SPAG17: variants seen among roughly 807,000 people sequenced by gnomAD.
The protein encoded by SPAG17 is sperm associated antigen 17, also known as sperm-associated antigen 17.
A neutral mutation model predicts 273.6 loss-of-function variants in SPAG17; 169 were observed. The observed-to-expected ratio is 0.62, with a 90% CI of 0.55 to 0.70. SPAG17 has a LOEUF of 0.70. Ranked by LOEUF, SPAG17 falls within the 30% of genes least tolerant of loss-of-function variation. The pLI is 0.00. For missense variants in SPAG17, 2,557 were observed against 2,627.8 expected (o/e 0.97, Z 0.59); for synonymous variants, 825 against 873.2 (o/e 0.94, Z 0.97).
At chr1:118,150,020 C>T (rs1433944815) in intron 3 of SPAG17, among the ~76,000 whole-genome samples, 2 of 152,026 alleles carry the variant, frequency 1.3e-5, no homozygotes, top group African/African-American at 2.4e-5. Flanking sequence ...ACCATTAATC[C>T]GAAGAGTATC....
chr1:117,969,660 A>G (rs1654326712), intron 46 of SPAG17, among the ~76,000 whole-genome samples: 1 of 152,220 alleles, frequency 6.6e-6, no homozygotes, highest in Non-Finnish European at 1.5e-5. Context: ...ACAAATACCA[A>G]GAGAGCAAAC....
intron 46 of SPAG17, among the ~76,000 whole-genome samples, chr1:117,968,490 T>C (rs1557845585): frequency 6.6e-6 from 1 of 152,196 alleles, no homozygotes; most frequent in African/African-American, 2.4e-5. Context: ...TTCAGGAGAG[T>C]ACTCATGAAT....
chr1:117,998,236 G>A (rs563647401), intron 32 of SPAG17, among the ~76,000 whole-genome samples: 63 of 152,238 alleles, frequency 4.1e-4, no homozygotes, highest in African/African-American at 1.5e-3. Context: ...GTTGTATATG[G>A]TGTAAGGAAG....
intron 18 of SPAG17, among the ~76,000 whole-genome samples, chr1:118,061,131 G>A (rs558525710): frequency 7.2e-4 from 110 of 152,226 alleles, no homozygotes; most frequent in Non-Finnish European, 9.6e-4. Flanking sequence ...AGCCACTATG[G>A]AAAATACCAT....
rs866395821 is a variant in SPAG17, at chr1:117,955,445, T to C, written c.*1-1396A>G. The C allele has an allele frequency of 3.2e-6, 4 of 1,244,314 alleles. No individual in the cohort carries two copies. In the South Asian group the frequency reaches 5.3e-5, roughly 17 times the overall value. 77.1% of individuals were successfully genotyped at this position (1,244,314 alleles called of 1,614,324 possible). ...CTGAACGGGAAATAAATAGAAATTATAATTGATGGTTATCTTATAGGTTTA... is the reference window on the plus strand; with the variant it reads ...CTGAACGGGAAATAAATAGAAATTACAATTGATGGTTATCTTATAGGTTTA... On this transcript the variant is annotated intron_variant, in intron 48 of 48. Transcript: ENST00000336338.
rs1036517382 is a variant in SPAG17 at position 118,044,795 on chromosome 1, C to T, written c.2815-2753G>A. 3.3e-5 allele frequency among the ~76,000 whole-genome samples: 5 copies of T among 152,188 alleles called. No homozygotes were observed. The South Asian group carries it at 8.3e-4, about 25-fold the overall frequency. ...ACCTCCCCCTTCATTCTCTTCCTCC[C>T]GCTCTAGTCATGGAGGATGTGCCTG... On this transcript the variant is annotated intron_variant, in intron 20 of 48. Transcript: ENST00000336338.
chr1:117,954,249 G>T, intron 48 of SPAG17, 200 bp from the exon 49 acceptor site: 1 of 701,836 alleles, frequency 1.4e-6, no homozygotes, highest in East Asian at 2.8e-5. Flanking sequence ...AATTGAGGAA[G>T]TGTGGGAAGA....
At chr1:118,070,605 A>AGTGAGCCACAAAT (rs1163470372) in intron 17 of SPAG17, among the ~76,000 whole-genome samples, 12 of 152,234 alleles carry the variant, frequency 7.9e-5, no homozygotes, top group Non-Finnish European at 1.2e-4. Flanking sequence ...AGAAATATAA[A>AGTGAGCCACAAAT]GTGAGCCACA....
At chr1:118,093,746 C>A (rs1655535878) in intron 7 of SPAG17, among the ~76,000 whole-genome samples, 1 of 152,192 alleles carries the variant, frequency 6.6e-6, no homozygotes, top group African/African-American at 2.4e-5. Flanking sequence ...AACACTGACT[C>A]TGCTTTGTGG....
chr1:118,101,213 A>G (rs1431521061), intron 5 of SPAG17, among the ~76,000 whole-genome samples: 1 of 152,128 alleles, frequency 6.6e-6, no homozygotes, highest in Non-Finnish European at 1.5e-5. Flanking sequence ...CCAGGTGTTC[A>G]AGGCCACTCT....
chr1:118,024,443 T>C (rs1395683438), intron 27 of SPAG17, among the ~76,000 whole-genome samples: 1 of 152,192 alleles, frequency 6.6e-6, no homozygotes, highest in East Asian at 1.9e-4. Context: ...TACCAACTTT[T>C]AATTTTTTAA....
chr1:118,142,875 AT>A (rs1658758967), intron 3 of SPAG17, among the ~76,000 whole-genome samples: 1 of 152,168 alleles, frequency 6.6e-6, no homozygotes, highest in Non-Finnish European at 1.5e-5. Flanking sequence ...CTGGAGATGA[AT>A]TTACCTCTAA....
intron 18 of SPAG17, among the ~76,000 whole-genome samples, chr1:118,056,735 C>A (rs887940275): frequency 6.6e-6 from 1 of 152,028 alleles, no homozygotes; most frequent in Non-Finnish European, 1.5e-5. Flanking sequence ...TTCTTTAATT[C>A]TTCATCCTTT....
intron 1 of SPAG17, among the ~76,000 whole-genome samples, chr1:118,161,595 T>C (rs1318714705): frequency 6.6e-6 from 1 of 152,186 alleles, no homozygotes; most frequent in Non-Finnish European, 1.5e-5. Flanking sequence ...TGGAGTGCTG[T>C]GGCAGGATCT....
chr1:118,050,653 G>A (rs1461594242), intron 20 of SPAG17, among the ~76,000 whole-genome samples: 1 of 152,180 alleles, frequency 6.6e-6, no homozygotes, highest in African/African-American at 2.4e-5. Flanking sequence ...GGAAGACCAA[G>A]TTTTTCAATA....
chr1:118,060,222 T>C (rs1000882570), intron 18 of SPAG17, among the ~76,000 whole-genome samples: 1 of 152,172 alleles, frequency 6.6e-6, no homozygotes, highest in African/African-American at 2.4e-5. Context: ...TGTGGTTACA[T>C]AAAACATCTT....
At chr1:117,973,310 A>T in intron 44 of SPAG17, 115 bp downstream of exon 44, 1 of 1,360,024 alleles carries the variant, frequency 7.4e-7, no homozygotes, top group Non-Finnish European at 1.0e-6. Context: ...AATAACTTCA[A>T]TGAATCAGAA....
intron 43 of SPAG17, among the ~76,000 whole-genome samples, chr1:117,980,586 A>T (rs1367074336): frequency 6.6e-6 from 1 of 152,222 alleles, no homozygotes; most frequent in East Asian, 1.9e-4. Flanking sequence ...TCTATAAGAG[A>T]TAACTGAAAC....
intron 1 of SPAG17, among the ~76,000 whole-genome samples, chr1:118,175,154 C>T (rs1001950172): frequency 1.3e-5 from 2 of 152,114 alleles, no homozygotes; most frequent in Non-Finnish European, 2.9e-5. Context: ...CCTCAGCATC[C>T]CAAATAGCTG....
Sources: allele counts gnomAD v4.1 joint callset (sites outside exome capture counted in the v4.1 genomes callset), GRCh38; gene constraint gnomAD v4.1.1; transcripts MANE v1.5; gene names NCBI Gene and HGNC (gene_info 2026-07-23, HGNC 2026-07-21).